RELN: variants seen among roughly 807,000 people sequenced by gnomAD.
The protein encoded by RELN is reelin.
In RELN, 108 loss-of-function variants were observed where a neutral mutation model predicts 427.6. The observed-to-expected ratio is 0.25, with a 90% CI of 0.22 to 0.30. The LOEUF is 0.30. Ranked by LOEUF, RELN falls within the 10% of genes least tolerant of loss-of-function variation. RELN has a pLI of 1.00. For synonymous variants in RELN, 1,524 were observed against 1,513.4 expected (o/e 1.01, Z -0.16); for missense variants, 3,715 against 4,302.8 (o/e 0.86, Z 3.82).
intron 4 of RELN, among the ~76,000 whole-genome samples, chr7:103,770,865 G>A (rs1563002756): frequency 6.7e-6 from 1 of 150,110 alleles, no homozygotes; most frequent in Non-Finnish European, 1.5e-5. Context: ...AGGTGGTCTC[G>A]CCTCACCTAA....
chr7:103,652,471 C>G, intron 14 of RELN, 80 bp downstream of exon 14: 1 of 1,131,364 alleles, frequency 8.8e-7, no homozygotes, highest in Non-Finnish European at 1.3e-6. Flanking sequence ...AAAACTCTAC[C>G]TAGAAACTAC....
At chr7:103,618,581 A>G (rs1158505379) in intron 20 of RELN, among the ~76,000 whole-genome samples, 1 of 152,188 alleles carries the variant, frequency 6.6e-6, no homozygotes, top group Non-Finnish European at 1.5e-5. Context: ...ACTTCTCAGC[A>G]TCTGTTTCAG....
intron 3 of RELN, among the ~76,000 whole-genome samples, chr7:103,806,781 T>TAC (rs1309120755): frequency 6.6e-6 from 1 of 152,188 alleles, no homozygotes; most frequent in Non-Finnish European, 1.5e-5. Context: ...AATCAAGTAC[T>TAC]ACTACAACTA....
chr7:103,720,618 A>G (rs1562970960), intron 8 of RELN, among the ~76,000 whole-genome samples: 1 of 152,168 alleles, frequency 6.6e-6, no homozygotes. Flanking sequence ...GTTAACATAT[A>G]GTTTTTTATA....
At chr7:103,490,618 T>C in intron 59 of RELN, 50 bp downstream of exon 59, 1 of 1,593,586 alleles carries the variant, frequency 6.3e-7, no homozygotes, top group Non-Finnish European at 8.6e-7. Flanking sequence ...GCATGAACTC[T>C]GTAGAGAGGC....
In RELN at chr7:103,497,882, G is replaced by A. The variant is rs200781285; in HGVS notation, c.8888C>T (p.Thr2963Ile). ...CCGGCAGATGGGACGATGGCAAGAG[G>A]TCATGTTGTTCTCACTACCGATGCG... ...WGRIGSENNM[T>I]SCHRPICRKE... The change falls in exon 55 of 65, where the codon ACC (threonine) becomes ATC (isoleucine). Residue 2963 changes from threonine to isoleucine, a missense_variant. This residue lies in a region of RELN where 1,310 missense variants were observed against 1,643.0 expected (regional missense o/e 0.80). Transcript: ENST00000428762. The A allele has an allele frequency of 3.1e-6, 5 of 1,614,126 alleles. No individual in the cohort carries two copies. Among genetic ancestry groups the A allele is most frequent in the Non-Finnish European group, 4.2e-6 (5 of 1,180,016 alleles).
At chr7:103,713,939 AT>A (rs1218252596) in intron 8 of RELN, among the ~76,000 whole-genome samples, 1 of 152,200 alleles carries the variant, frequency 6.6e-6, no homozygotes, top group African/African-American at 2.4e-5. Flanking sequence ...CCCTAAAAGT[AT>A]TAGCTCTCTT....
At chr7:103,764,879 G>C (rs1017530742) in intron 4 of RELN, among the ~76,000 whole-genome samples, 40 of 148,426 alleles carry the variant, frequency 2.7e-4, no homozygotes, top group Non-Finnish European at 5.3e-4. Context: ...CCCAACCCTA[G>C]AATGTGTGAT....
At chr7:103,712,108 C>G (rs1013729362) in intron 8 of RELN, among the ~76,000 whole-genome samples, 1 of 152,108 alleles carries the variant, frequency 6.6e-6, no homozygotes. Context: ...CCTGGAGAAT[C>G]CTAAAGAGCT....
chr7:103,523,675 A>G (rs1352896939), intron 46 of RELN, 144 bp from the exon 47 acceptor site: 2 of 835,110 alleles, frequency 2.4e-6, no homozygotes, highest in Non-Finnish European at 3.8e-6. Context: ...CATTATTACA[A>G]TATTCTTCTT....
At chr7:103,844,039 GC>G (rs1793619178) in intron 2 of RELN, among the ~76,000 whole-genome samples, 1 of 152,102 alleles carries the variant, frequency 6.6e-6, no homozygotes, top group South Asian at 2.1e-4. Context: ...ACCACCTGGT[GC>G]CTGCTCCTGT....
At chr7:103,977,156 CA>C (rs1184550667) in intron 1 of RELN, among the ~76,000 whole-genome samples, 4 of 151,554 alleles carry the variant, frequency 2.6e-5, no homozygotes, top group Admixed American at 2.0e-4. Context: ...ACTAAAAATA[CA>C]AAAATTAGCT....
intron 17 of RELN, among the ~76,000 whole-genome samples, chr7:103,638,061 T>A (rs1264859372): frequency 6.9e-6 from 1 of 143,998 alleles, no homozygotes; most frequent in African/African-American, 2.7e-5. Context: ...AGTAGTTTTT[T>A]AAAAATATTT....
At chr7:103,516,086 C>T (rs1257872427) in intron 49 of RELN, among the ~76,000 whole-genome samples, 1 of 152,124 alleles carries the variant, frequency 6.6e-6, no homozygotes, top group East Asian at 1.9e-4. Flanking sequence ...TCTCACTCAC[C>T]AGGGACAGAC....
At chr7:103,848,345 T>C (rs1366969123) in intron 2 of RELN, among the ~76,000 whole-genome samples, 1 of 152,198 alleles carries the variant, frequency 6.6e-6, no homozygotes, top group African/African-American at 2.4e-5. Context: ...ACATTTTCAG[T>C]TGGAAAGCAC....
chr7:103,650,700 A>G (rs968986963), intron 15 of RELN, among the ~76,000 whole-genome samples: 5 of 152,080 alleles, frequency 3.3e-5, no homozygotes, highest in African/African-American at 4.8e-5. Flanking sequence ...ATCATAGCTC[A>G]CTGCAGCCTC....
chr7:103,479,051 C>G (rs1403807043), intron 63 of RELN, among the ~76,000 whole-genome samples: 1 of 152,116 alleles, frequency 6.6e-6, no homozygotes, highest in African/African-American at 2.4e-5. Context: ...TTAGTAAATT[C>G]ATTCACGAAG....
chr7:103,876,431 C>T (rs1794479845), intron 2 of RELN, among the ~76,000 whole-genome samples: 2 of 152,104 alleles, frequency 1.3e-5, no homozygotes, highest in Admixed American at 1.3e-4. Flanking sequence ...ACCTCCTGTC[C>T]TTCCAAAAGT....
intron 1 of RELN, among the ~76,000 whole-genome samples, chr7:103,933,170 C>A (rs1354990726): frequency 6.6e-6 from 1 of 152,094 alleles, no homozygotes; most frequent in African/African-American, 2.4e-5. Context: ...GTATTTTCCC[C>A]ATACAGACAC....
Sources: gnomAD v4.1 joint callset for allele counts (sites outside exome capture counted in the v4.1 genomes callset) on GRCh38, gnomAD v4.1.1 for gene constraint, gnomAD v4.1.1 regional missense constraint, MANE v1.5 for transcripts, NCBI Gene and HGNC (gene_info 2026-07-23, HGNC 2026-07-21) for gene names.